The following NFILZ variants were observed in gnomAD, a reference collection of about 807,000 sequenced individuals.
NFILZ encodes the protein NFIL3 like basic leucine zipper, also known as NFIL3 like protein.
At chr19:8,670,648 T>C (rs2043082339) in intron 3 of NFILZ, among the ~76,000 whole-genome samples, 1 of 152,042 alleles carries the variant, frequency 6.6e-6, no homozygotes, top group African/African-American at 2.4e-5. Context: ...CTGGGTTGGG[T>C]GACTATAGAA....
intron 3 of NFILZ, among the ~76,000 whole-genome samples, chr19:8,647,795 G>GCACGCACACA (rs1555747298): frequency 1.3e-5 from 1 of 76,302 alleles, no homozygotes; most frequent in East Asian, 4.5e-4. Flanking sequence ...GCGCGCGCGC[G>GCACGCACACA]CACACACACA....
At chr19:8,634,819 G>T (rs2042887081) in intron 2 of NFILZ, among the ~76,000 whole-genome samples, 1 of 152,068 alleles carries the variant, frequency 6.6e-6, no homozygotes, top group Non-Finnish European at 1.5e-5. Flanking sequence ...AGTCGAGGCT[G>T]CATCAAGCCA....
chr19:8,663,787 T>TGTGTGTGTGTG (rs2043048906), intron 3 of NFILZ, among the ~76,000 whole-genome samples: 3 of 148,732 alleles, frequency 2.0e-5, no homozygotes, highest in African/African-American at 2.5e-5. Flanking sequence ...TGTGTGTTTG[T>TGTGTGTGTGTG]TGTGGGGGGG....
chr19:8,643,955 G>A (rs1309432921), intron 3 of NFILZ, among the ~76,000 whole-genome samples: 2 of 151,834 alleles, frequency 1.3e-5, no homozygotes, highest in African/African-American at 4.8e-5. Context: ...CCATTTCTTC[G>A]TTTATTGTGG....
chr19:8,670,993 A>AG (rs2043084212), intron 3 of NFILZ, among the ~76,000 whole-genome samples: 1 of 28,484 alleles, frequency 3.5e-5, no homozygotes. Flanking sequence ...AGACTGTCTC[A>AG]AAAAAAAAAA....
chr19:8,653,756 T>A (rs534422379), intron 3 of NFILZ, among the ~76,000 whole-genome samples: 3 of 152,184 alleles, frequency 2.0e-5, no homozygotes, highest in Non-Finnish European at 4.4e-5. Context: ...CACTTATAAG[T>A]GGGAGCTAAG....
At chr19:8,661,608 A>T (rs1428257654) in intron 3 of NFILZ, among the ~76,000 whole-genome samples, 12 of 152,154 alleles carry the variant, frequency 7.9e-5, no homozygotes, top group Admixed American at 5.9e-4. Flanking sequence ...TAAAAATAAG[A>T]AACCAGGGCA....
In NFILZ at chr19:8,677,131, C is replaced by T. The variant is rs2967685; in HGVS notation, c.366C>T (p.Pro122=). 0.19 allele frequency: 28,913 copies of T among 152,482 alleles called. 2,933 individuals carry two copies. The highest frequency in any genetic ancestry group is 0.24 in the Admixed American group (3,637 of 15,304). 9.4% of individuals were successfully genotyped at this position (152,482 alleles called of 1,614,324 possible). ...LLLEAPWTGD[P]RPGAEALSSL... Reference sequence around the variant, plus strand: ...TGGAAGCCCCCTGGACTGGGGACCCCCGGCCTGGGGCTGAAGCACTCTCAT... The same window carrying T: ...TGGAAGCCCCCTGGACTGGGGACCCTCGGCCTGGGGCTGAAGCACTCTCAT... Residue 122 remains proline (P), a synonymous_variant, in exon 6 of 6, where the codon CCC becomes CCT. Transcript: ENST00000691075.
chr19:8,653,090 CTTT>C (rs1555747962), intron 3 of NFILZ, among the ~76,000 whole-genome samples: 1 of 127,748 alleles, frequency 7.8e-6, no homozygotes, highest in Non-Finnish European at 1.7e-5. Context: ...CTCTTTCTTT[CTTT>C]TCTCTTTCTC....
At chr19:8,673,544 G>A (rs1392070585) in intron 3 of NFILZ, among the ~76,000 whole-genome samples, 4 of 152,168 alleles carry the variant, frequency 2.6e-5, no homozygotes, top group Admixed American at 6.5e-5. Flanking sequence ...GATGTCTTTC[G>A]GCTTCAGAGT....
intron 3 of NFILZ, among the ~76,000 whole-genome samples, chr19:8,673,458 C>T (rs189092052): frequency 1.6e-4 from 24 of 152,246 alleles, no homozygotes; most frequent in Admixed American, 4.6e-4. Flanking sequence ...CAGCTGCTTC[C>T]CCAGCCCATG....
intron 3 of NFILZ, among the ~76,000 whole-genome samples, chr19:8,656,482 C>CCCCCTTCTTCCTGA (rs2043002692): frequency 2.2e-5 from 1 of 45,562 alleles, no homozygotes; most frequent in Admixed American, 2.4e-4. Flanking sequence ...CCTTCTCCCG[C>CCCCCTTCTTCCTGA]AGCCCACCTT....
At chr19:8,656,018 G>A (rs1221254685) in intron 3 of NFILZ, among the ~76,000 whole-genome samples, 2 of 151,984 alleles carry the variant, frequency 1.3e-5, no homozygotes, top group African/African-American at 4.8e-5. Context: ...GGGAGAACAG[G>A]TTCTACCCTC....
At chr19:8,656,493 CTCCCGCAGCCCACCTTCT>C (rs2043003290) in intron 3 of NFILZ, among the ~76,000 whole-genome samples, 1 of 80,222 alleles carries the variant, frequency 1.2e-5, no homozygotes. Flanking sequence ...AGCCCACCTT[CTCCCGCAGCCCACCTTCT>C]CCTGCAGCCC....
chr19:8,670,717 AG>A (rs2043082626), intron 3 of NFILZ, among the ~76,000 whole-genome samples: 1 of 152,168 alleles, frequency 6.6e-6, no homozygotes, highest in Admixed American at 6.5e-5. Flanking sequence ...AGACATGGCC[AG>A]GCGCTCTGGC....
intron 3 of NFILZ, among the ~76,000 whole-genome samples, chr19:8,646,325 C>T (rs1270798297): frequency 6.6e-6 from 1 of 152,210 alleles, no homozygotes. Context: ...GCGTGAGGCA[C>T]TGCGCCCAGC....
intron 3 of NFILZ, among the ~76,000 whole-genome samples, chr19:8,656,421 TCTTTCC>T (rs2042999972): frequency 4.3e-5 from 4 of 93,300 alleles, no homozygotes; most frequent in Non-Finnish European, 7.0e-5. Context: ...GAAACCCACC[TCTTTCC>T]GCAGCCCACC....
In NFILZ at chr19:8,659,467, C is replaced by T. The variant is rs568949086; in HGVS notation, c.-163-15084C>T. ...TTGCAGGCACTGGAGCTGCAGGTGC[C>T]GAGGCCCTGCGGTGACTCCGAATGG... On this transcript the variant is annotated intron_variant, in intron 3 of 5. Transcript: ENST00000691075. Among the ~76,000 whole-genome samples the T allele has an allele frequency of 7.3e-5, 11 of 151,592 alleles. No individual in the cohort carries two copies. In the South Asian group the frequency reaches 1.5e-3, roughly 20 times the overall value.
chr19:8,647,576 A>ACC (rs71179874), intron 3 of NFILZ, among the ~76,000 whole-genome samples: 127 of 107,966 alleles, frequency 1.2e-3, no homozygotes, highest in African/African-American at 3.2e-3. Context: ...CTGTCCCCGC[A>ACC]CCCCCCCCCC....
Sources: allele counts gnomAD v4.1 joint callset (sites outside exome capture counted in the v4.1 genomes callset), GRCh38; gene constraint gnomAD v4.1.1; transcripts MANE v1.5; gene names NCBI Gene and HGNC (gene_info 2026-07-23, HGNC 2026-07-21).